The following ANKRD12 variants were observed in gnomAD, a reference collection of about 807,000 sequenced individuals.
ANKRD12 encodes ankyrin repeat domain-containing protein 12.
ANKRD12 carries 85 observed loss-of-function variants against 183.4 expected under a neutral mutation model. That is an observed-to-expected ratio of 0.46 (90% CI 0.39 to 0.56). ANKRD12 has a LOEUF of 0.56. ANKRD12 is among the 20% of genes least tolerant of loss of function. The probability of loss-of-function intolerance (pLI) is 0.00; values close to 1 mark genes in which losing one functional copy is unlikely to be tolerated. For synonymous variants in ANKRD12, 914 were observed against 800.2 expected (o/e 1.14, Z -2.40); for missense variants, 2,405 against 2,357.1 (o/e 1.02, Z -0.42).
At chr18:9,243,537 A>G (rs2037778716) in intron 8 of ANKRD12, among the ~76,000 whole-genome samples, 1 of 152,226 alleles carries the variant, frequency 6.6e-6, no homozygotes, top group Non-Finnish European at 1.5e-5. Flanking sequence ...GTAAGTTCCT[A>G]GTATCCTTGG....
chr18:9,195,584 C>G lies in ANKRD12; in HGVS notation c.121C>G (p.Pro41Ala). The change falls in exon 3 of 13, where the codon CCA becomes GCA. Residue 41 changes from proline to alanine, a missense_variant. Pro to Ala is a conservative substitution (Grantham distance 27). Coordinates refer to ENST00000262126, the MANE Select transcript of ANKRD12 (RefSeq NM_015208.5). ...KDKIASYSKTPKIERSDVSKE... is the reference protein window; with the variant it reads ...KDKIASYSKTAKIERSDVSKE... ...CAAGATTGCATCCTACAGCAAAACT[C>G]CAAAAATTGAACGAAGTGATGTGAG... 6.2e-7 allele frequency: 1 copy of G among 1,609,522 alleles called. No homozygotes were observed. Among genetic ancestry groups the G allele is most frequent in the South Asian group, 1.1e-5 (1 of 90,530 alleles).
chr18:9,262,787 C>CT (rs71168048), intron 9 of ANKRD12, among the ~76,000 whole-genome samples: 3,865 of 83,460 alleles, frequency 0.046, 874 homozygotes, highest in East Asian at 0.13. Context: ...CAAGATGTCC[C>CT]TTTTTTTTTT....
chr18:9,151,749 G>A (rs1044780328), intron 1 of ANKRD12, among the ~76,000 whole-genome samples: 15 of 152,140 alleles, frequency 9.9e-5, no homozygotes, highest in Admixed American at 9.8e-4. Flanking sequence ...AATAAAGTTA[G>A]GAACTTGCAT....
intron 7 of ANKRD12, among the ~76,000 whole-genome samples, chr18:9,219,785 A>G (rs2036314640): frequency 6.6e-6 from 1 of 151,912 alleles, no homozygotes; most frequent in African/African-American, 2.4e-5. Context: ...TTAGGAATCG[A>G]TAGTACCAAT....
chr18:9,175,095 C>T (rs774750957), intron 1 of ANKRD12, among the ~76,000 whole-genome samples: 4 of 152,040 alleles, frequency 2.6e-5, no homozygotes, highest in Non-Finnish European at 5.9e-5. Context: ...GCTGGGAATA[C>T]AGGCGTGCGT....
At chr18:9,280,858 C>A in intron 12 of ANKRD12, 83 bp from the exon 13 acceptor site, 2 of 1,315,382 alleles carry the variant, frequency 1.5e-6, no homozygotes, top group Non-Finnish European at 2.1e-6. Flanking sequence ...CATTTTAGTT[C>A]CTAAAGAAAC....
chr18:9,237,067 A>T (rs556390206), intron 8 of ANKRD12, among the ~76,000 whole-genome samples: 6 of 152,288 alleles, frequency 3.9e-5, no homozygotes, highest in African/African-American at 1.4e-4. Flanking sequence ...TACACATTTT[A>T]AAAAAAGAAA....
At chr18:9,154,756 T>C (rs143972182) in intron 1 of ANKRD12, among the ~76,000 whole-genome samples, 205 of 152,224 alleles carry the variant, frequency 1.3e-3, no homozygotes, top group African/African-American at 4.6e-3. Flanking sequence ...TGGTATATTT[T>C]AGAGATGGAA....
chr18:9,235,835 T>C (rs1328257456), intron 8 of ANKRD12: 1 of 363,874 alleles, frequency 2.7e-6, no homozygotes, highest in African/African-American at 2.1e-5. Flanking sequence ...CATCAGACTT[T>C]AATGGGCAAG....
chr18:9,269,065 G>A (rs2039459010), intron 10 of ANKRD12, among the ~76,000 whole-genome samples: 2 of 152,216 alleles, frequency 1.3e-5, no homozygotes, highest in South Asian at 4.2e-4. Context: ...ACTTACAAGG[G>A]ATGTGAAGGA....
At chr18:9,258,975 A>G (rs746092837) in intron 9 of ANKRD12, 44 bp downstream of exon 9, 14 of 1,533,164 alleles carry the variant, frequency 9.1e-6, no homozygotes, top group South Asian at 7.8e-5. Flanking sequence ...ACACTGCCCA[A>G]TAGAAGTATA....
chr18:9,223,141 G>C (rs1340181415), intron 8 of ANKRD12, among the ~76,000 whole-genome samples: 1 of 152,198 alleles, frequency 6.6e-6, no homozygotes, highest in African/African-American at 2.4e-5. Flanking sequence ...ACTCAGGGTT[G>C]GGCGTGGTGG....
chr18:9,192,858 A>AT (rs1286913001), intron 2 of ANKRD12, among the ~76,000 whole-genome samples: 1 of 151,060 alleles, frequency 6.6e-6, no homozygotes, highest in Non-Finnish European at 1.5e-5. Context: ...GTTTTTAAAA[A>AT]TTTTTTATGG....
At chr18:9,231,790 A>T (rs923945478) in intron 8 of ANKRD12, among the ~76,000 whole-genome samples, 1 of 139,306 alleles carries the variant, frequency 7.2e-6, no homozygotes, top group African/African-American at 2.7e-5. Context: ...ATGCCACTGC[A>T]CTCCAACCTG....
chr18:9,264,033 A>G lies in ANKRD12; in HGVS notation c.5763+145A>G, dbSNP rs937230102. On this transcript the variant is annotated intron_variant, in intron 10 of 12. Coordinates refer to ENST00000262126, the MANE Select transcript of ANKRD12 (RefSeq NM_015208.5). ...TTTGGTTTTATCTTGTGTTTATTAGATGGAAAAATTTTAAGCCTATTTTAG... is the reference window on the plus strand; with the variant it reads ...TTTGGTTTTATCTTGTGTTTATTAGGTGGAAAAATTTTAAGCCTATTTTAG... 4.0e-5 allele frequency: 31 copies of G among 775,582 alleles called. 1 individual carries two copies. The highest frequency in any genetic ancestry group is 5.3e-5 in the Non-Finnish European group (29 of 547,996). The allele number at this position is 775,582 out of a possible 1,614,324, so 48.0% of individuals were successfully genotyped here.
intron 3 of ANKRD12, among the ~76,000 whole-genome samples, chr18:9,203,337 G>GT (rs905267846): frequency 1.7e-4 from 26 of 151,554 alleles, no homozygotes; most frequent in Non-Finnish European, 3.1e-4. Flanking sequence ...TCTCTAAGTT[G>GT]TTTTTTTTGA....
At chr18:9,169,264 T>C (rs1033150377) in intron 1 of ANKRD12, among the ~76,000 whole-genome samples, 4 of 152,190 alleles carry the variant, frequency 2.6e-5, no homozygotes, top group Admixed American at 2.6e-4. Flanking sequence ...AGTTCCTGGG[T>C]ATCCTTGTTA....
At chr18:9,190,307 A>G (rs920257475) in intron 2 of ANKRD12, among the ~76,000 whole-genome samples, 1 of 152,164 alleles carries the variant, frequency 6.6e-6, no homozygotes, top group Non-Finnish European at 1.5e-5. Context: ...TATAAGCAAA[A>G]CACTTGGTTT....
intron 1 of ANKRD12, among the ~76,000 whole-genome samples, chr18:9,159,187 G>A (rs944276723): frequency 1.3e-5 from 2 of 152,026 alleles, no homozygotes; most frequent in East Asian, 3.8e-4. Flanking sequence ...GGGCTGTTGC[G>A]GCTTGTGGAT....
Sources: gnomAD v4.1 joint callset for allele counts (sites outside exome capture counted in the v4.1 genomes callset) on GRCh38, gnomAD v4.1.1 for gene constraint, MANE v1.5 for transcripts, NCBI Gene and HGNC (gene_info 2026-07-23, HGNC 2026-07-21) for gene names.